The following IQUB variants were observed in gnomAD, a reference collection of about 807,000 sequenced individuals.
IQUB encodes the protein IQ motif and ubiquitin-like domain-containing protein.
A neutral mutation model predicts 86.4 loss-of-function variants in IQUB; 86 were observed. That is an observed-to-expected ratio of 1.00 (90% confidence interval 0.84 to 1.19). IQUB has a LOEUF of 1.19. Ranked by LOEUF, IQUB falls within the 50% of genes most tolerant of loss-of-function variation. The pLI is 0.00. For missense variants in IQUB, 946 were observed against 916.9 expected, an observed-to-expected ratio of 1.03 and a Z score of -0.41; for synonymous variants, 289 against 304.5, an observed-to-expected ratio of 0.95 and a Z score of 0.53.
rs376969901 is a variant in IQUB, at chr7:123,464,997, T to C, written c.1594A>G (p.Lys532Glu). ...AATTCTAGAATTTCCTGAGTTAGTT[T>C]ACATTCATGTTCCTATATAAAACAC... ...LKHTVKEHECKLTQEILELID... is the reference protein window; with the variant it reads ...LKHTVKEHECELTQEILELID... The change falls in exon 10 of 13, where the codon AAA (lysine) becomes GAA (glutamate). Residue 532 changes from lysine to glutamate, a missense_variant. By Grantham distance (56) the Lys-to-Glu change is moderately conservative. Coordinates refer to ENST00000324698, the MANE Select transcript of IQUB (RefSeq NM_178827.5). 1.5e-5 allele frequency: 24 copies of C among 1,583,980 alleles called. No homozygotes were observed. Among genetic ancestry groups the C allele is most frequent in the Non-Finnish European group, 1.9e-5 (22 of 1,164,190 alleles).
chr7:123,474,310 A>G (rs997265191), intron 8 of IQUB, among the ~76,000 whole-genome samples: 1 of 152,200 alleles, frequency 6.6e-6, no homozygotes, highest in East Asian at 1.9e-4. Flanking sequence ...TTGACATCTG[A>G]AAAAACTCTG....
At chr7:123,495,296 C>T (rs192417846) in intron 7 of IQUB, among the ~76,000 whole-genome samples, 4 of 152,068 alleles carry the variant, frequency 2.6e-5, no homozygotes, top group Admixed American at 6.6e-5. Context: ...TCAATTTTTA[C>T]GTTACCAGGA....
At chr7:123,511,251 A>C (rs1479630826) in intron 2 of IQUB, among the ~76,000 whole-genome samples, 1 of 152,156 alleles carries the variant, frequency 6.6e-6, no homozygotes, top group African/African-American at 2.4e-5. Flanking sequence ...CTCTGTAGGC[A>C]GAAACTCTCT....
chr7:123,502,384 TAAGAG>T, intron 6 of IQUB: 1 of 525,100 alleles, frequency 1.9e-6, no homozygotes, highest in Admixed American at 3.8e-5. Flanking sequence ...TGGGTTTCCC[TAAGAG>T]AAAAGGAAGG....
At position 123,457,456 on chromosome 7, in the gene IQUB, C is replaced by A; in HGVS notation, c.2118G>T (p.Glu706Asp). Residue 706 changes from glutamate to aspartate, a missense_variant, in exon 12 of 13, where the codon GAG (glutamate) becomes GAT (aspartate). Physicochemically the swap from Glu to Asp is conservative, Grantham distance 45 (BLOSUM62 2). Transcript: ENST00000324698. ...LVMVRWNKSL[E>D]WSPWNCILLT... The stretch of plus-strand genomic sequence containing the variant: ...GAAGAATGCAGTTCCAGGGGGACCA[C>A]TCCAGGGATTTATTCCATCTGACCA... 1.9e-6 allele frequency: 3 copies of A among 1,612,314 alleles called. No individual in the cohort carries two copies. In the South Asian group the frequency reaches 3.3e-5, roughly 18 times the overall value.
At chr7:123,455,811 G>A (rs1793669545) in intron 12 of IQUB, among the ~76,000 whole-genome samples, 1 of 152,080 alleles carries the variant, frequency 6.6e-6, no homozygotes, top group African/African-American at 2.4e-5. Context: ...TGAGTTAACT[G>A]GGTCAGGATT....
chr7:123,510,069 C>A, intron 2 of IQUB, 34 bp from the exon 3 acceptor site: 1 of 1,410,638 alleles, frequency 7.1e-7, no homozygotes, highest in South Asian at 1.3e-5. Flanking sequence ...GAATTATAGT[C>A]AAATATAGCA....
intron 7 of IQUB, among the ~76,000 whole-genome samples, chr7:123,481,125 C>T (rs1169448679): frequency 6.6e-6 from 1 of 152,134 alleles, no homozygotes; most frequent in Non-Finnish European, 1.5e-5. Flanking sequence ...CTCTTAGCAG[C>T]TTGAACAGGT....
rs761091326 is a variant in IQUB at position 123,512,209 on chromosome 7, C to G, written c.132G>C (p.Glu44Asp). Reference sequence around the variant, plus strand: ...TGAATTGTTCTATTCCAGATTCATGCTCTTCAGTTTGATCTGACTCTTGAG... The same window carrying G: ...TGAATTGTTCTATTCCAGATTCATGGTCTTCAGTTTGATCTGACTCTTGAG... Reference protein sequence around the residue: ...EEPQESDQTEEHESGIEQFSE... With the variant: ...EEPQESDQTEDHESGIEQFSE... Residue 44 changes from glutamate to aspartate, a missense_variant, in exon 2 of 13, where the codon GAG (glutamate) becomes GAC (aspartate). Physicochemically the swap from Glu to Asp is conservative, Grantham distance 45 (BLOSUM62 2). Transcript: ENST00000324698. 1.9e-6 allele frequency: 3 copies of G among 1,613,780 alleles called. No individual in the cohort carries two copies. In the South Asian group the frequency reaches 3.3e-5, roughly 18 times the overall value.
intron 9 of IQUB, among the ~76,000 whole-genome samples, chr7:123,467,804 A>G (rs1327875565): frequency 6.6e-6 from 1 of 152,152 alleles, no homozygotes; most frequent in Non-Finnish European, 1.5e-5. Context: ...CCCAATTACT[A>G]CTTGGGAAAT....
chr7:123,497,624 C>T (rs1795760209), intron 6 of IQUB, among the ~76,000 whole-genome samples: 1 of 151,364 alleles, frequency 6.6e-6, no homozygotes, highest in Admixed American at 6.6e-5. Context: ...TTATTAAACT[C>T]ATAAATAAAA....
chr7:123,466,106 C>A (rs915759095), intron 9 of IQUB, among the ~76,000 whole-genome samples: 6 of 151,886 alleles, frequency 4.0e-5, no homozygotes, highest in Non-Finnish European at 5.9e-5. Flanking sequence ...TAGATAGATA[C>A]ACACATATTC....
At chr7:123,462,659 T>C (rs1381815004) in intron 10 of IQUB, 1 of 265,252 alleles carries the variant, frequency 3.8e-6, no homozygotes, top group Admixed American at 4.2e-5. Flanking sequence ...TGGTTCCTTT[T>C]CTTATTCTGA....
At chr7:123,517,073 A>G (rs1796668813) in intron 1 of IQUB, among the ~76,000 whole-genome samples, 1 of 152,210 alleles carries the variant, frequency 6.6e-6, no homozygotes, top group Non-Finnish European at 1.5e-5. Flanking sequence ...ATGCCCAATT[A>G]GATGCCATAC....
Position 123,457,569 on chromosome 7 carries a change from G to A in IQUB, c.2008-3C>T, listed in dbSNP as rs1029428896. The stretch of plus-strand genomic sequence containing the variant: ...GTCAGGTACTGAATGTCTTGTAGCT[G>A]CATGTCAAAGCAAGTTTTAAAAACA... On this transcript the variant is annotated splice_polypyrimidine_tract_variant and splice_region_variant and intron_variant, in intron 11 of 12. Coordinates refer to ENST00000324698, the MANE Select transcript of IQUB (RefSeq NM_178827.5). 6.3e-7 allele frequency: 1 copy of A among 1,591,372 alleles called. No homozygotes were observed. The highest frequency in any genetic ancestry group is 1.8e-5 in the Admixed American group (1 of 54,416).
intron 7 of IQUB, among the ~76,000 whole-genome samples, chr7:123,485,919 T>C (rs1389034599): frequency 6.6e-6 from 1 of 152,130 alleles, no homozygotes. Flanking sequence ...TTCTGGAAGA[T>C]CATTACTCCA....
At chr7:123,453,382 A>G (rs1402406279) in intron 12 of IQUB, among the ~76,000 whole-genome samples, 1 of 148,432 alleles carries the variant, frequency 6.7e-6, no homozygotes, top group Non-Finnish European at 1.5e-5. Context: ...GAAGAATCTA[A>G]GGAGATAACT....
chr7:123,492,004 C>T (rs1055953104), intron 7 of IQUB, among the ~76,000 whole-genome samples: 9 of 152,088 alleles, frequency 5.9e-5, no homozygotes, highest in South Asian at 2.1e-4. Context: ...GGGTGGAACC[C>T]TCATGAATGG....
chr7:123,461,675 A>C, intron 10 of IQUB, 70 bp from the exon 11 acceptor site: 3 of 1,314,524 alleles, frequency 2.3e-6, no homozygotes, highest in Non-Finnish European at 3.0e-6. Flanking sequence ...ATCCTAACCA[A>C]TGGAAGCATC....
Sources: allele counts gnomAD v4.1 joint callset (sites outside exome capture counted in the v4.1 genomes callset), GRCh38; gene constraint gnomAD v4.1.1; transcripts MANE v1.5; gene names NCBI Gene and HGNC (gene_info 2026-07-23, HGNC 2026-07-21).